CSMD3: variants seen among roughly 807,000 people sequenced by gnomAD.
CSMD3 encodes the protein CUB and Sushi multiple domains 3.
CSMD3 carries 177 observed loss-of-function variants against 435.2 expected under a neutral mutation model. The ratio of observed to expected loss-of-function variants is 0.41; its 90% CI spans 0.36 to 0.46. The LOEUF is 0.46. Among genes scored for constraint, CSMD3 ranks in the 20% least tolerant of loss-of-function variants. The pLI, the probability that CSMD3 is intolerant of heterozygous loss-of-function variation, is 0.34. For missense variants in CSMD3, 4,265 were observed against 4,504.6 expected (o/e 0.95, Z 1.52); for synonymous variants, 1,656 against 1,520.5 (o/e 1.09, Z -2.07).
intron 9 of CSMD3, among the ~76,000 whole-genome samples, chr8:112,940,248 C>T (rs1435501279): frequency 1.3e-5 from 2 of 151,716 alleles, no homozygotes; most frequent in Non-Finnish European, 2.9e-5. Context: ...GATATACCAG[C>T]ATTTTAATAA....
chr8:112,446,891 T>A (rs1390071087), intron 32 of CSMD3, among the ~76,000 whole-genome samples: 1 of 152,190 alleles, frequency 6.6e-6, no homozygotes, highest in South Asian at 2.1e-4. Context: ...GGCTAGTTCT[T>A]ATCATTTGGC....
intron 68 of CSMD3, among the ~76,000 whole-genome samples, chr8:112,232,643 G>T (rs1813199912): frequency 6.6e-6 from 1 of 152,254 alleles, no homozygotes; most frequent in Non-Finnish European, 1.5e-5. Context: ...CAGCTATGAT[G>T]AGGGTTACAT....
At chr8:112,828,694 A>G (rs564343967) in intron 12 of CSMD3, among the ~76,000 whole-genome samples, 16 of 152,320 alleles carry the variant, frequency 1.1e-4, no homozygotes, top group African/African-American at 3.4e-4. Context: ...TAAAGCATGT[A>G]AAATGCTGGC....
At chr8:112,549,864 G>A (rs1827523671) in intron 27 of CSMD3, among the ~76,000 whole-genome samples, 1 of 151,980 alleles carries the variant, frequency 6.6e-6, no homozygotes, top group African/African-American at 2.4e-5. Context: ...CGACACATTT[G>A]AAGAGTACTG....
At chr8:112,919,471 C>T (rs116396898) in intron 10 of CSMD3, among the ~76,000 whole-genome samples, 1,707 of 151,918 alleles carry the variant, frequency 0.011, 39 homozygotes, top group African/African-American at 0.039. Context: ...GCTATGTAGT[C>T]TCAATCTTAC....
chr8:112,923,461 T>C (rs574737086), intron 9 of CSMD3, among the ~76,000 whole-genome samples: 2 of 152,174 alleles, frequency 1.3e-5, no homozygotes, highest in African/African-American at 4.8e-5. Flanking sequence ...GGCTTGAAGA[T>C]ATTAAGCATG....
chr8:112,920,918 T>TAC (rs371590869), intron 10 of CSMD3, among the ~76,000 whole-genome samples: 3,810 of 122,662 alleles, frequency 0.031, 65 homozygotes, highest in Middle Eastern at 0.056. Context: ...TATATATATA[T>TAC]ACACACACAC....
At chr8:113,271,450 G>C (rs1188281173) in intron 3 of CSMD3, among the ~76,000 whole-genome samples, 1 of 152,128 alleles carries the variant, frequency 6.6e-6, no homozygotes, top group Non-Finnish European at 1.5e-5. Context: ...TCCACCTGTT[G>C]CTAAAAGGGG....
intron 14 of CSMD3, among the ~76,000 whole-genome samples, chr8:112,687,947 A>T (rs13256724): frequency 0.2 from 31,160 of 152,060 alleles, 4,028 homozygotes; most frequent in Non-Finnish European, 0.3. Flanking sequence ...ATCCTGGAAT[A>T]ATTTGATCCT....
intron 5 of CSMD3, among the ~76,000 whole-genome samples, chr8:113,021,423 C>G (rs1256178333): frequency 1.3e-5 from 2 of 152,142 alleles, no homozygotes; most frequent in Admixed American, 1.3e-4. Flanking sequence ...TGTTCAATTC[C>G]CTATTTCGAT....
chr8:112,723,534 A>G (rs1462357509), intron 13 of CSMD3, among the ~76,000 whole-genome samples: 2 of 152,170 alleles, frequency 1.3e-5, no homozygotes, highest in East Asian at 1.9e-4. Flanking sequence ...TATGTTGCCA[A>G]GAAGTGGGGC....
chr8:112,948,886 T>G (rs2083707323), intron 8 of CSMD3, among the ~76,000 whole-genome samples: 1 of 152,010 alleles, frequency 6.6e-6, no homozygotes, highest in East Asian at 1.9e-4. Context: ...ATGGTAGGAC[T>G]CTGGCATCAG....
At chr8:112,751,170 C>T (rs2077561854) in intron 13 of CSMD3, among the ~76,000 whole-genome samples, 1 of 152,064 alleles carries the variant, frequency 6.6e-6, no homozygotes, top group Non-Finnish European at 1.5e-5. Context: ...CCCTGCAGAA[C>T]TGAGTCCATT....
intron 40 of CSMD3, among the ~76,000 whole-genome samples, chr8:112,348,761 A>T (rs1222182549): frequency 6.6e-6 from 1 of 152,006 alleles, no homozygotes; most frequent in Non-Finnish European, 1.5e-5. Flanking sequence ...ATAATAAAAC[A>T]ATTTTTCTAA....
At chr8:112,902,971 C>T (rs536610272) in intron 10 of CSMD3, among the ~76,000 whole-genome samples, 2 of 151,244 alleles carry the variant, frequency 1.3e-5, no homozygotes, top group South Asian at 4.2e-4. Context: ...ATGAGACTAT[C>T]TCCAGAAGGG....
At chr8:112,659,770 T>C (rs2075337364) in intron 17 of CSMD3, among the ~76,000 whole-genome samples, 1 of 152,118 alleles carries the variant, frequency 6.6e-6, no homozygotes. Context: ...TTTAAAAACA[T>C]GTTTGTTGGT....
chr8:113,071,430 T>C (rs1306328000), intron 5 of CSMD3, among the ~76,000 whole-genome samples: 4 of 151,984 alleles, frequency 2.6e-5, no homozygotes, highest in Admixed American at 2.0e-4. Context: ...TGTTTTCTTC[T>C]AGTAGTTTTA....
intron 4 of CSMD3, among the ~76,000 whole-genome samples, chr8:113,136,804 CATAG>C (rs1415534307): frequency 2.6e-5 from 4 of 151,462 alleles, no homozygotes; most frequent in Non-Finnish European, 5.9e-5. Flanking sequence ...GGAGAATGTT[CATAG>C]ATAGTGGGGG....
chr8:113,119,022 T>G (rs984512785), intron 4 of CSMD3, among the ~76,000 whole-genome samples: 2 of 152,148 alleles, frequency 1.3e-5, no homozygotes, highest in Middle Eastern at 3.2e-3. Context: ...CCTTTGTCCA[T>G]AAGAAGCCCT....
Sources: allele counts gnomAD v4.1 joint callset (sites outside exome capture counted in the v4.1 genomes callset), GRCh38; gene constraint gnomAD v4.1.1; transcripts MANE v1.5; gene names NCBI Gene and HGNC (gene_info 2026-07-23, HGNC 2026-07-21).